The following MED12L variants were observed in gnomAD, a reference collection of about 807,000 sequenced individuals.
MED12L encodes the protein mediator complex subunit 12L.
MED12L carries 60 observed loss-of-function variants against 281.3 expected under a neutral mutation model. That is an observed-to-expected ratio of 0.21 (90% CI 0.17 to 0.26). The LOEUF is 0.26. Ranked by LOEUF, MED12L falls within the 10% of genes least tolerant of loss-of-function variation. The pLI is 1.00. For synonymous variants in MED12L, 974 were observed against 987.2 expected (o/e 0.99, Z 0.25); for missense variants, 2,146 against 2,680.9 (o/e 0.80, Z 4.41).
intron 16 of MED12L, among the ~76,000 whole-genome samples, chr3:151,267,234 C>G (rs1469195729): frequency 6.6e-6 from 1 of 151,978 alleles, no homozygotes; most frequent in East Asian, 1.9e-4. Flanking sequence ...TTCTTTTTGA[C>G]CTTTGGCTGT....
intron 13 of MED12L, among the ~76,000 whole-genome samples, chr3:151,190,009 C>T (rs1723759408): frequency 6.6e-6 from 1 of 151,916 alleles, no homozygotes; most frequent in Non-Finnish European, 1.5e-5. Context: ...AAATGTGCAC[C>T]CATATTCTCA....
chr3:151,222,564 A>G (rs948694067), intron 16 of MED12L, among the ~76,000 whole-genome samples: 2 of 152,178 alleles, frequency 1.3e-5, no homozygotes, highest in Non-Finnish European at 2.9e-5. Context: ...GCCCTGCACA[A>G]GCTCTCTTCT....
intron 9 of MED12L, 70 bp downstream of exon 9, chr3:151,164,112 A>G: frequency 6.5e-7 from 1 of 1,537,424 alleles, no homozygotes; most frequent in South Asian, 1.2e-5. Context: ...CAGTGGGTCA[A>G]GCACAGGTTT....
intron 2 of MED12L, among the ~76,000 whole-genome samples, chr3:151,097,955 G>C (rs954636806): frequency 6.6e-6 from 1 of 152,240 alleles, no homozygotes; most frequent in Admixed American, 6.5e-5. Flanking sequence ...GGAACTTGGA[G>C]GGTGTGTAGG....
intron 16 of MED12L, among the ~76,000 whole-genome samples, chr3:151,222,731 T>A (rs1729622061): frequency 1.3e-5 from 2 of 152,256 alleles, no homozygotes; most frequent in Non-Finnish European, 2.9e-5. Flanking sequence ...AAGCATGATA[T>A]GCTGCTGGTC....
intron 16 of MED12L, chr3:151,198,687 T>A: frequency 5.0e-6 from 8 of 1,614,108 alleles, no homozygotes; most frequent in Non-Finnish European, 6.8e-6. Context: ...ACAAAGCATA[T>A]GATGTAGCCC....
chr3:151,434,475 T>C lies in MED12L; in HGVS notation c.*1671T>C, dbSNP rs1719871720. 1 of 152,226 alleles carries C rather than the reference T, an allele frequency of 6.6e-6. No homozygotes were observed. The highest frequency in any genetic ancestry group is 2.1e-4 in the South Asian group (1 of 4,836). The allele number at this position is 152,226 out of a possible 1,614,324, so 9.4% of individuals were successfully genotyped here. A position where few individuals can be genotyped will look rare whatever the true frequency, so the allele number is the denominator to read the frequency against. ...GGCTGGAAAAGACTTTGCCAAAACA[T>C]TAAAAACTATTCTTTTCACTAAATT... On this transcript the variant is annotated 3_prime_UTR_variant, in exon 45 of 45. Transcript: ENST00000687756.
At chr3:151,245,613 T>C (rs1472478582) in intron 16 of MED12L, among the ~76,000 whole-genome samples, 1 of 150,254 alleles carries the variant, frequency 6.7e-6, no homozygotes, top group Admixed American at 6.7e-5. Context: ...ATTGATGGGA[T>C]GTATTTCAAA....
chr3:151,119,633 C>T (rs1713430998), intron 3 of MED12L, among the ~76,000 whole-genome samples: 1 of 152,148 alleles, frequency 6.6e-6, no homozygotes, highest in Admixed American at 6.5e-5. Flanking sequence ...AGTCTCATAA[C>T]AGAGAGTATG....
intron 27 of MED12L, among the ~76,000 whole-genome samples, chr3:151,373,041 A>G (rs970550918): frequency 4.6e-5 from 7 of 152,160 alleles, no homozygotes; most frequent in Non-Finnish European, 1.0e-4. Context: ...TTTCTGAATC[A>G]TTTAAGAGTA....
intron 11 of MED12L, among the ~76,000 whole-genome samples, chr3:151,170,336 C>T (rs980196423): frequency 6.1e-5 from 9 of 146,744 alleles, no homozygotes; most frequent in Non-Finnish European, 1.2e-4. Flanking sequence ...AGTGCAGTGG[C>T]GTGATCTTGG....
chr3:151,271,277 A>G, intron 16 of MED12L, among the ~76,000 whole-genome samples: 1 of 152,246 alleles, frequency 6.6e-6, no homozygotes, highest in East Asian at 1.9e-4. Context: ...TCTCAGCCTC[A>G]CTTGTCAACA....
intron 43 of MED12L, chr3:151,425,489 C>G (rs552595343): frequency 1.7e-4 from 64 of 382,746 alleles, no homozygotes; most frequent in African/African-American, 1.2e-3. Flanking sequence ...CAGTCTCAGA[C>G]TCTTAGGCTC....
At chr3:151,131,739 GGAGAAA>G (rs1715426194) in intron 5 of MED12L, among the ~76,000 whole-genome samples, 2 of 11,174 alleles carry the variant, frequency 1.8e-4, no homozygotes, top group Non-Finnish European at 4.8e-4. Flanking sequence ...CCTACTAAAT[GGAGAAA>G]TGGAGGGAAG....
At chr3:151,350,965 G>A (rs1228092679) in intron 17 of MED12L, among the ~76,000 whole-genome samples, 1 of 152,042 alleles carries the variant, frequency 6.6e-6, no homozygotes, top group Non-Finnish European at 1.5e-5. Context: ...TATATAATTA[G>A]GTATCCTGCT....
chr3:151,188,583 A>C (rs1559855628), intron 13 of MED12L, 103 bp downstream of exon 13: 3 of 1,213,798 alleles, frequency 2.5e-6, no homozygotes, highest in Admixed American at 2.3e-5. Flanking sequence ...TATTCTTGGC[A>C]CTGAATATAA....
chr3:151,350,133 A>C lies in MED12L; in HGVS notation c.2325A>C (p.Ala775=). 6.2e-7 allele frequency: 1 copy of C among 1,613,772 alleles called. No individual in the cohort carries two copies. Residue 775 remains alanine, a synonymous_variant, in exon 17 of 45, where the codon GCA becomes GCC. Coordinates refer to ENST00000687756, the MANE Select transcript of MED12L (RefSeq NM_001393769.1). ...LYGVGKERDE[A]RHQLKKITKD... ...GAGTCGGCAAAGAGCGTGATGAAGCAAGGCATCAGCTGAAGAAGATTACCA... is the reference window on the plus strand; with the variant it reads ...GAGTCGGCAAAGAGCGTGATGAAGCCAGGCATCAGCTGAAGAAGATTACCA...
intron 16 of MED12L, among the ~76,000 whole-genome samples, chr3:151,339,431 T>TTA (rs1751493528): frequency 6.9e-6 from 1 of 145,818 alleles, no homozygotes; most frequent in Non-Finnish European, 1.5e-5. Flanking sequence ...ACTGAATCAG[T>TTA]AAAAAAAAAA....
At chr3:151,249,642 C>G (rs1246478649) in intron 16 of MED12L, among the ~76,000 whole-genome samples, 1 of 152,158 alleles carries the variant, frequency 6.6e-6, no homozygotes, top group African/African-American at 2.4e-5. Flanking sequence ...ATCTGTTATC[C>G]TGACACATTT....
Sources: allele counts gnomAD v4.1 joint callset (sites outside exome capture counted in the v4.1 genomes callset), GRCh38; gene constraint gnomAD v4.1.1; transcripts MANE v1.5; gene names NCBI Gene and HGNC (gene_info 2026-07-23, HGNC 2026-07-21).